BMP5: variants seen among roughly 807,000 people sequenced by gnomAD.
BMP5 encodes the protein bone morphogenetic protein 5.
In BMP5, 23 loss-of-function variants were observed where a neutral mutation model predicts 46.6. That is an observed-to-expected ratio of 0.49 (90% CI 0.35 to 0.70). The LOEUF is 0.70. BMP5 is among the 30% of genes least tolerant of loss of function. The pLI is 0.00. For synonymous variants in BMP5, 204 were observed against 191.9 expected, an observed-to-expected ratio of 1.06 and a Z score of -0.52; for missense variants, 545 against 565.6, an observed-to-expected ratio of 0.96 and a Z score of 0.37.
At chr6:55,758,941 T>C in intron 6 of BMP5, 64 bp downstream of exon 6, 1 of 1,137,360 alleles carries the variant, frequency 8.8e-7, no homozygotes, top group Non-Finnish European at 1.3e-6. Context: ...TGCTTTCCTC[T>C]AAAACAACTT....
intron 4 of BMP5, among the ~76,000 whole-genome samples, chr6:55,762,709 T>C (rs1178623931): frequency 6.6e-6 from 1 of 152,164 alleles, no homozygotes; most frequent in Non-Finnish European, 1.5e-5. Flanking sequence ...TGGTTTGATT[T>C]CATAAACTCC....
chr6:55,849,463 GA>G (rs1777172576), intron 1 of BMP5, among the ~76,000 whole-genome samples: 1 of 152,022 alleles, frequency 6.6e-6, no homozygotes, highest in Non-Finnish European at 1.5e-5. Flanking sequence ...TTACTAACAT[GA>G]GAGTAAGCAA....
At chr6:55,810,750 T>A (rs1318842701) in intron 2 of BMP5, among the ~76,000 whole-genome samples, 1 of 152,172 alleles carries the variant, frequency 6.6e-6, no homozygotes, top group East Asian at 1.9e-4. Context: ...GAGCAAGATT[T>A]CTCAACCTTG....
chr6:55,863,497 G>C (rs1777570462), intron 1 of BMP5, among the ~76,000 whole-genome samples: 1 of 152,146 alleles, frequency 6.6e-6, no homozygotes, highest in South Asian at 2.1e-4. Context: ...ATGGAATTAA[G>C]ATGTGGATAA....
intron 1 of BMP5, among the ~76,000 whole-genome samples, chr6:55,864,250 G>T (rs1777589554): frequency 6.6e-6 from 1 of 152,138 alleles, no homozygotes; most frequent in Non-Finnish European, 1.5e-5. Flanking sequence ...ATTTGAGTAT[G>T]TCCTCTCCTA....
intron 2 of BMP5, among the ~76,000 whole-genome samples, chr6:55,804,205 A>C (rs988599156): frequency 7.2e-5 from 11 of 152,226 alleles, no homozygotes; most frequent in Non-Finnish European, 1.6e-4. Context: ...TAATCAAGTT[A>C]AGATGAGGTA....
In BMP5 at chr6:55,755,561, A is replaced by C. The variant is rs1774567864; in HGVS notation, c.1337T>G (p.Met446Arg). The change falls in exon 7 of 7, where the codon ATG becomes AGG. Residue 446 changes from methionine (M) to arginine (R), a missense_variant. Physicochemically the swap from Met to Arg is moderately conservative, Grantham distance 91. Transcript: ENST00000370830. ...SNVILKKYRN[M>R]VVRSCGCH ...GTGGCAGCCACATGAGCGTACTACC[A>C]TATTTCTATATTTTTTCAAAATGAC... The C allele has an allele frequency of 1.2e-6, 2 of 1,611,046 alleles. No homozygotes were observed. The highest frequency in any genetic ancestry group is 1.7e-6 in the Non-Finnish European group (2 of 1,178,002).
At chr6:55,811,699 C>T (rs1033927327) in intron 2 of BMP5, among the ~76,000 whole-genome samples, 5 of 151,732 alleles carry the variant, frequency 3.3e-5, no homozygotes, top group African/African-American at 1.2e-4. Context: ...CTCTCTCTCT[C>T]TTTCTCTCTC....
intron 1 of BMP5, among the ~76,000 whole-genome samples, chr6:55,839,777 C>T (rs540057252): frequency 6.6e-6 from 1 of 152,130 alleles, no homozygotes; most frequent in African/African-American, 2.4e-5. Context: ...TTACTTTTCC[C>T]TAGTGAATAA....
chr6:55,862,751 A>C lies in BMP5; in HGVS notation c.490+11625T>G, dbSNP rs185245516. 2.0e-3 allele frequency among the ~76,000 whole-genome samples: 308 copies of C among 152,266 alleles called. 1 individual carries two copies. Among genetic ancestry groups the C allele is most frequent in the South Asian group, 8.9e-3 (43 of 4,826 alleles). On this transcript the variant is annotated intron_variant, in intron 1 of 6. Coordinates refer to ENST00000370830, the MANE Select transcript of BMP5 (RefSeq NM_021073.4). ...TTCCTTGAAAGTCACTGGAGCCTCC[A>C]TACTAATAATTTCCCAGAGCTACAC... is the stretch of plus-strand genomic sequence containing the variant.
chr6:55,821,314 TG>T (rs1169538934), intron 1 of BMP5, among the ~76,000 whole-genome samples: 1 of 152,176 alleles, frequency 6.6e-6, no homozygotes, highest in Non-Finnish European at 1.5e-5. Flanking sequence ...AGCAAGAAGC[TG>T]ATCCTCACCT....
chr6:55,851,634 A>T (rs1337262678), intron 1 of BMP5, among the ~76,000 whole-genome samples: 1 of 152,224 alleles, frequency 6.6e-6, no homozygotes, highest in Non-Finnish European at 1.5e-5. Flanking sequence ...TTTTCTTAAC[A>T]AAACTTTATA....
At chr6:55,783,753 A>C (rs1429809649) in intron 3 of BMP5, among the ~76,000 whole-genome samples, 2 of 151,944 alleles carry the variant, frequency 1.3e-5, no homozygotes, top group Non-Finnish European at 2.9e-5. Context: ...AGAAAATATA[A>C]CAAACAACAA....
chr6:55,841,897 C>T (rs570266899), intron 1 of BMP5, among the ~76,000 whole-genome samples: 1 of 139,964 alleles, frequency 7.1e-6, no homozygotes, highest in African/African-American at 3.0e-5. Context: ...AAGTTCAGCC[C>T]ATAACAGAGA....
rs565739955 is a variant in BMP5, at chr6:55,828,498, T to C, written c.491-8651A>G. On this transcript the variant is annotated intron_variant, in intron 1 of 6. Transcript: ENST00000370830. ...GATTATAATTTACAAGTAATCTCCATGCCATTTTACATATGATGTCAAAGT... is the reference window on the plus strand; with the variant it reads ...GATTATAATTTACAAGTAATCTCCACGCCATTTTACATATGATGTCAAAGT... 3.9e-5 allele frequency among the ~76,000 whole-genome samples: 6 copies of C among 151,930 alleles called. No homozygotes were observed. The South Asian group carries it at 1.2e-3, about 31-fold the overall frequency.
chr6:55,800,442 T>C (rs1188733984), intron 2 of BMP5, among the ~76,000 whole-genome samples: 1 of 152,200 alleles, frequency 6.6e-6, no homozygotes, highest in Non-Finnish European at 1.5e-5. Flanking sequence ...ACATTCAACT[T>C]CTTGCTCTAA....
At chr6:55,870,246 C>G (rs919920313) in intron 1 of BMP5, among the ~76,000 whole-genome samples, 1 of 150,244 alleles carries the variant, frequency 6.7e-6, no homozygotes, top group African/African-American at 2.5e-5. Context: ...TTATAACTAT[C>G]TCTGGCAACC....
At chr6:55,844,345 C>T (rs1318443154) in intron 1 of BMP5, among the ~76,000 whole-genome samples, 1 of 151,974 alleles carries the variant, frequency 6.6e-6, no homozygotes, top group Non-Finnish European at 1.5e-5. Context: ...TCTTTCCTAA[C>T]ACATCAATCT....
chr6:55,755,846 T>G (rs960811461), intron 6 of BMP5, among the ~76,000 whole-genome samples, 164 bp from the exon 7 acceptor site: 9 of 151,990 alleles, frequency 5.9e-5, no homozygotes, highest in Non-Finnish European at 1.5e-5. Context: ...GAAGGATGTA[T>G]TCTTAAGCAT....
Sources: allele counts gnomAD v4.1 joint callset (sites outside exome capture counted in the v4.1 genomes callset), GRCh38; gene constraint gnomAD v4.1.1; transcripts MANE v1.5; gene names NCBI Gene and HGNC (gene_info 2026-07-23, HGNC 2026-07-21).